The following SPACA7 variants were observed in gnomAD, a reference collection of about 807,000 sequenced individuals.
The protein encoded by SPACA7 is sperm acrosome associated 7.
SPACA7 carries 19 observed loss-of-function variants against 26.3 expected under a neutral mutation model. The observed-to-expected ratio is 0.72, with a 90% confidence interval of 0.50 to 1.06. The LOEUF is 1.06. Ranked by LOEUF, SPACA7 falls within the 50% of genes least tolerant of loss-of-function variation. The pLI is 0.00. For missense variants in SPACA7, 211 were observed against 229.9 expected, an observed-to-expected ratio of 0.92 and a Z score of 0.53; for synonymous variants, 84 against 84.5, an observed-to-expected ratio of 0.99 and a Z score of 0.04.
intron 1 of SPACA7, among the ~76,000 whole-genome samples, chr13:112,384,880 A>C (rs1161864669): frequency 1.3e-5 from 2 of 152,206 alleles, no homozygotes; most frequent in Non-Finnish European, 2.9e-5. Context: ...ACCAAATTTC[A>C]TGTATGTATT....
rs1450167281 is a variant in SPACA7, at chr13:112,392,997, T to C, written c.95-24T>C. ...GCAAATTCAATGAACATTGTTAAAC[T>C]GTAGGGTTTTTATTTCCTTCTAGGT... On this transcript the variant is annotated intron_variant, in intron 1 of 6. Coordinates refer to ENST00000283550, the MANE Select transcript of SPACA7 (RefSeq NM_145248.5). The C allele has an allele frequency of 1.9e-6, 3 of 1,599,564 alleles. No homozygotes were observed. In the East Asian group the frequency reaches 6.7e-5, roughly 36 times the overall value.
chr13:112,400,280 G>A (rs756277097), intron 4 of SPACA7, among the ~76,000 whole-genome samples: 2 of 152,160 alleles, frequency 1.3e-5, no homozygotes, highest in Non-Finnish European at 2.9e-5. Flanking sequence ...GATTGAACTC[G>A]ATTTTTTCAG....
rs762120471 is a variant in SPACA7 at position 112,381,493 on chromosome 13, CCAA to C, written c.94+5015_94+5017del. On this transcript the variant is annotated intron_variant, in intron 1 of 6. Coordinates refer to ENST00000283550, the MANE Select transcript of SPACA7 (RefSeq NM_145248.5). ...GGCTGACAGAATGAGACCCTGTCCC[CCAA>C]AAAAAAAAAAAAAAATGCAGACACG... Among the ~76,000 whole-genome samples the C allele has an allele frequency of 1.3e-3, 192 of 142,608 alleles. 2 individuals are homozygous for C. Among genetic ancestry groups the C allele is most frequent in the East Asian group, 4.2e-3 (19 of 4,486 alleles). 93.6% of individuals were successfully genotyped at this position (142,608 alleles called of 152,430 possible). A position where few individuals can be genotyped will look rare whatever the true frequency, so the allele number is the denominator to read the frequency against.
At chr13:112,419,296 T>G (rs373639669) in intron 5 of SPACA7, among the ~76,000 whole-genome samples, 2 of 152,284 alleles carry the variant, frequency 1.3e-5, no homozygotes, top group East Asian at 3.9e-4. Context: ...GGATATAATA[T>G]GCATTTGAAA....
At chr13:112,390,196 G>A (rs1321651868) in intron 1 of SPACA7, among the ~76,000 whole-genome samples, 1 of 152,142 alleles carries the variant, frequency 6.6e-6, no homozygotes, top group African/African-American at 2.4e-5. Flanking sequence ...GGCTAACGGA[G>A]ATTAGATGGT....
intron 5 of SPACA7, among the ~76,000 whole-genome samples, chr13:112,430,990 T>C (rs1877072880): frequency 6.6e-6 from 1 of 152,226 alleles, no homozygotes; most frequent in East Asian, 1.9e-4. Flanking sequence ...ATCTCTCTGG[T>C]GTAGGTTATC....
chr13:112,410,366 T>TA lies in SPACA7; in HGVS notation c.445+9209dup, dbSNP rs556629330. Among the ~76,000 whole-genome samples, 1,338 of 150,722 alleles carry TA rather than the reference T, an allele frequency of 8.9e-3. 16 individuals are homozygous for TA. The highest frequency in any genetic ancestry group is 0.032 in the African/African-American group (1,277 of 40,424). ...TGTACCCTAGAACTTAAAGTACAATTAAAAAAATATATATATATATTCCTT... is the reference window on the plus strand; with the variant it reads ...TGTACCCTAGAACTTAAAGTACAATTAAAAAAAATATATATATATATTCCTT... On this transcript the variant is annotated intron_variant, in intron 5 of 6. Transcript: ENST00000283550.
chr13:112,424,573 T>C (rs187328326), intron 5 of SPACA7, among the ~76,000 whole-genome samples: 118 of 152,334 alleles, frequency 7.7e-4, no homozygotes, highest in African/African-American at 2.8e-3. Flanking sequence ...CCTGCTTCCA[T>C]GGCACAGGGT....
At chr13:112,430,172 C>CTGTGTGTGTG (rs1254393630) in intron 5 of SPACA7, among the ~76,000 whole-genome samples, 3,224 of 122,628 alleles carry the variant, frequency 0.026, 45 homozygotes, top group East Asian at 0.033. Context: ...GCATCTCTCT[C>CTGTGTGTGTG]TCTGTGTGTG....
chr13:112,408,273 G>T (rs1886120386), intron 5 of SPACA7, among the ~76,000 whole-genome samples: 1 of 152,086 alleles, frequency 6.6e-6, no homozygotes, highest in African/African-American at 2.4e-5. Context: ...TACTGAATGG[G>T]CAAAAACTGG....
chr13:112,381,566 G>A (rs1884069001), intron 1 of SPACA7, among the ~76,000 whole-genome samples: 1 of 152,032 alleles, frequency 6.6e-6, no homozygotes, highest in African/African-American at 2.4e-5. Context: ...TGCCCAGGCA[G>A]AGCCAATTCT....
chr13:112,392,715 C>T (rs1350454915), intron 1 of SPACA7, among the ~76,000 whole-genome samples: 1 of 152,176 alleles, frequency 6.6e-6, no homozygotes, highest in Non-Finnish European at 1.5e-5. Flanking sequence ...GTCGTCTTGA[C>T]CTCTCAAGGG....
chr13:112,432,368 G>C (rs144095739), intron 5 of SPACA7, 76 bp from the exon 6 acceptor site: 2 of 1,241,778 alleles, frequency 1.6e-6, no homozygotes, highest in East Asian at 4.6e-5. Flanking sequence ...ACGGCTCCCT[G>C]AAGTTAAAGG....
chr13:112,403,146 C>G (rs912965539), intron 5 of SPACA7, among the ~76,000 whole-genome samples: 2 of 152,018 alleles, frequency 1.3e-5, no homozygotes, highest in Non-Finnish European at 2.9e-5. Context: ...TCCTTAATAA[C>G]TTTATTTCTT....
chr13:112,383,165 GAAAGAA>G (rs1884289271), intron 1 of SPACA7, among the ~76,000 whole-genome samples: 1 of 117,452 alleles, frequency 8.5e-6, no homozygotes, highest in Non-Finnish European at 1.8e-5. Context: ...AAGAAAGAAA[GAAAGAA>G]AGAAAGAAAG....
intron 5 of SPACA7, among the ~76,000 whole-genome samples, chr13:112,415,872 G>T (rs564350066): frequency 6.6e-6 from 1 of 152,132 alleles, no homozygotes; most frequent in South Asian, 2.1e-4. Context: ...CTGGCCTGGG[G>T]TGGGTCTAAA....
intron 5 of SPACA7, among the ~76,000 whole-genome samples, chr13:112,408,483 C>T (rs994764584): frequency 7.2e-5 from 11 of 151,916 alleles, no homozygotes; most frequent in Non-Finnish European, 1.0e-4. Context: ...TCGTCTCAGC[C>T]CAAAATCTCC....
intron 1 of SPACA7, among the ~76,000 whole-genome samples, chr13:112,384,663 T>C (rs142947302): frequency 2.4e-4 from 37 of 152,262 alleles, no homozygotes; most frequent in South Asian, 1.9e-3. Context: ...TTAGCCAAAA[T>C]GATAACTTCA....
At chr13:112,400,667 C>G (rs1007617069) in intron 4 of SPACA7, among the ~76,000 whole-genome samples, 1 of 152,216 alleles carries the variant, frequency 6.6e-6, no homozygotes, top group Non-Finnish European at 1.5e-5. Context: ...GCAAATCCTC[C>G]TTTCCTGCCC....
Sources: gnomAD v4.1 joint callset for allele counts (sites outside exome capture counted in the v4.1 genomes callset) on GRCh38, gnomAD v4.1.1 for gene constraint, MANE v1.5 for transcripts, NCBI Gene and HGNC (gene_info 2026-07-23, HGNC 2026-07-21) for gene names.